Variants in MYRIP observed in about 807,000 individuals in gnomAD.
The protein encoded by MYRIP is rab effector MyRIP.
Under a neutral mutation model 98.0 loss-of-function variants are expected in MYRIP, and 49 were observed. That is an observed-to-expected ratio of 0.50 (90% CI 0.40 to 0.63). The LOEUF (loss-of-function observed/expected upper bound fraction) is 0.63, where lower values mean the gene tolerates loss of function less well. MYRIP is among the 30% of genes least tolerant of loss of function. The pLI, the probability that MYRIP is intolerant of heterozygous loss-of-function variation, is 0.00. For missense variants in MYRIP, 1,004 were observed against 1,058.2 expected, an observed-to-expected ratio of 0.95 and a Z score of 0.71; for synonymous variants, 404 against 409.5, an observed-to-expected ratio of 0.99 and a Z score of 0.16.
intron 8 of MYRIP, among the ~76,000 whole-genome samples, chr3:40,180,501 C>G (rs1212169683): frequency 6.6e-6 from 1 of 152,212 alleles, no homozygotes; most frequent in African/African-American, 2.4e-5. Flanking sequence ...AAGCCCATGA[C>G]CACCAGCCCA....
intron 13 of MYRIP, 45 bp downstream of exon 13, chr3:40,244,652 CA>C (rs1953130761): frequency 6.5e-7 from 1 of 1,542,214 alleles, no homozygotes; most frequent in African/African-American, 1.4e-5. Flanking sequence ...CAGGGTGAAA[CA>C]GGGAGCCCCA....
At chr3:40,045,449 A>G (rs560316536) in intron 3 of MYRIP, among the ~76,000 whole-genome samples, 2 of 152,142 alleles carry the variant, frequency 1.3e-5, no homozygotes, top group African/African-American at 4.8e-5. Context: ...AAGGGGGAGG[A>G]AAAGCCCTGC....
chr3:40,008,727 T>C (rs1180461957), intron 2 of MYRIP, among the ~76,000 whole-genome samples: 3 of 152,222 alleles, frequency 2.0e-5, no homozygotes, highest in Admixed American at 6.5e-5. Context: ...GGAAGCCTGA[T>C]GGTTCCTGAA....
intron 13 of MYRIP, among the ~76,000 whole-genome samples, chr3:40,249,810 G>C (rs1339015943): frequency 6.6e-6 from 1 of 152,108 alleles, no homozygotes; most frequent in African/African-American, 2.4e-5. Flanking sequence ...CTGTGGTTTT[G>C]GATTCATGAA....
chr3:39,920,241 TA>T (rs1944276911), intron 2 of MYRIP, among the ~76,000 whole-genome samples: 1 of 151,094 alleles, frequency 6.6e-6, no homozygotes, highest in Admixed American at 6.5e-5. Flanking sequence ...TCCATAATTA[TA>T]GATACCTTTA....
intron 2 of MYRIP, 48 bp from the exon 3 acceptor site, chr3:40,044,002 A>T (rs1264922267): frequency 1.9e-6 from 3 of 1,573,126 alleles, no homozygotes; most frequent in Non-Finnish European, 2.6e-6. Flanking sequence ...CCCTGACCTG[A>T]TGTTGTGTTT....
Position 39,877,811 on chromosome 3 carries a change from G to C in MYRIP, c.-30-22976G>C, listed in dbSNP as rs1214614615. ...GTCAGGGGTCAGGGACCCACTTGAG[G>C]AGGCAGTCTGCCCATTCTCAGATCT... On this transcript the variant is annotated intron_variant, in intron 1 of 16. Coordinates refer to ENST00000302541, the MANE Select transcript of MYRIP (RefSeq NM_015460.4). Among the ~76,000 whole-genome samples, 3 of 152,188 alleles carry C rather than the reference G, an allele frequency of 2.0e-5. No individual in the cohort carries two copies. In the East Asian group the frequency reaches 5.8e-4, roughly 29 times the overall value.
chr3:39,958,489 A>G (rs1005395117), intron 2 of MYRIP, among the ~76,000 whole-genome samples: 3 of 152,220 alleles, frequency 2.0e-5, no homozygotes, highest in African/African-American at 7.2e-5. Context: ...CAGAAAGCTG[A>G]AACTGGATCC....
intron 2 of MYRIP, among the ~76,000 whole-genome samples, chr3:39,939,738 A>G (rs186476756): frequency 1.4e-4 from 22 of 152,300 alleles, no homozygotes; most frequent in African/African-American, 5.1e-4. Flanking sequence ...AAGCTCTGGA[A>G]TTATTATGTT....
At chr3:39,812,900 CCCTGCTACTAAAT>C (rs59489501) in intron 1 of MYRIP, among the ~76,000 whole-genome samples, 2,174 of 152,296 alleles carry the variant, frequency 0.014, 57 homozygotes, top group African/African-American at 0.049. Context: ...CTTGTATGGT[CCCTGCTACTAAAT>C]CCATGGGTAG....
At chr3:39,845,441 C>A (rs779052364) in intron 1 of MYRIP, among the ~76,000 whole-genome samples, 1 of 152,078 alleles carries the variant, frequency 6.6e-6, no homozygotes, top group East Asian at 1.9e-4. Context: ...ATATTTCTGT[C>A]TGCTTTTCAA....
At chr3:39,994,490 G>A (rs947191683) in intron 2 of MYRIP, among the ~76,000 whole-genome samples, 4 of 152,250 alleles carry the variant, frequency 2.6e-5, no homozygotes, top group African/African-American at 9.6e-5. Context: ...AAGGCTGGGG[G>A]AGGGGCGCCT....
intron 3 of MYRIP, among the ~76,000 whole-genome samples, chr3:40,069,484 G>A (rs1359293368): frequency 6.6e-6 from 1 of 151,420 alleles, no homozygotes; most frequent in African/African-American, 2.4e-5. Context: ...ACAGCTCAGT[G>A]GCATTAAGTA....
intron 16 of MYRIP, among the ~76,000 whole-genome samples, chr3:40,253,234 A>T (rs1369039910): frequency 6.6e-6 from 1 of 152,196 alleles, no homozygotes; most frequent in Admixed American, 6.5e-5. Flanking sequence ...TGTTTACCAA[A>T]AACATCACCT....
At chr3:40,200,152 C>T (rs1951515629) in intron 10 of MYRIP, among the ~76,000 whole-genome samples, 1 of 109,392 alleles carries the variant, frequency 9.1e-6, no homozygotes, top group Non-Finnish European at 2.1e-5. Flanking sequence ...CTTTTGAGGA[C>T]CTAATGGGTA....
chr3:40,238,517 C>T (rs1208577192), intron 12 of MYRIP: 2 of 152,326 alleles, frequency 1.3e-5, no homozygotes, highest in Admixed American at 6.5e-5. Context: ...ACACTATTCT[C>T]GCCTTCTGAA....
chr3:39,969,023 A>T (rs1481740968), intron 2 of MYRIP, among the ~76,000 whole-genome samples: 1 of 151,932 alleles, frequency 6.6e-6, no homozygotes, highest in East Asian at 1.9e-4. Flanking sequence ...TATAATTCTC[A>T]TTGTAGAGAT....
rs149817750 is a variant in MYRIP at position 40,206,895 on chromosome 3, T to C, written c.1666-2959T>C. Reference sequence around the variant, plus strand: ...ATCTTTTGGGTTAACTATTTTAGCCTTGTAAATTAGTCTTTCATTGTCTGT... The same window carrying C: ...ATCTTTTGGGTTAACTATTTTAGCCCTGTAAATTAGTCTTTCATTGTCTGT... On this transcript the variant is annotated intron_variant, in intron 10 of 16. Coordinates refer to ENST00000302541, the MANE Select transcript of MYRIP (RefSeq NM_015460.4). Among the ~76,000 whole-genome samples the C allele has an allele frequency of 1.7e-4, 26 of 152,340 alleles. No individual in the cohort carries two copies. In the East Asian group the frequency reaches 4.8e-3, roughly 28 times the overall value.
At chr3:39,867,830 A>G (rs1317411617) in intron 1 of MYRIP, among the ~76,000 whole-genome samples, 1 of 152,258 alleles carries the variant, frequency 6.6e-6, no homozygotes, top group Non-Finnish European at 1.5e-5. Context: ...TCATTATTTC[A>G]AAGACATATC....
Sources: gnomAD v4.1 joint callset for allele counts (sites outside exome capture counted in the v4.1 genomes callset) on GRCh38, gnomAD v4.1.1 for gene constraint, MANE v1.5 for transcripts, NCBI Gene and HGNC (gene_info 2026-07-23, HGNC 2026-07-21) for gene names.